The following UNC5D variants were observed in gnomAD, a reference collection of about 807,000 sequenced individuals.
UNC5D encodes the protein unc-5 netrin receptor D, also known as netrin receptor UNC5D.
A neutral mutation model predicts 105.4 loss-of-function variants in UNC5D; 39 were observed. The ratio of observed to expected loss-of-function variants is 0.37; its 90% CI spans 0.29 to 0.48. The LOEUF (loss-of-function observed/expected upper bound fraction) is 0.48, where lower values mean the gene tolerates loss of function less well. UNC5D is among the 20% of genes least tolerant of loss of function. The pLI is 0.98. For missense variants in UNC5D, 991 were observed against 1,202.4 expected, an observed-to-expected ratio of 0.82 and a Z score of 2.60; for synonymous variants, 452 against 450.4, an observed-to-expected ratio of 1.00 and a Z score of -0.04.
At chr8:35,379,086 T>C (rs1453424671) in intron 1 of UNC5D, among the ~76,000 whole-genome samples, 1 of 152,168 alleles carries the variant, frequency 6.6e-6, no homozygotes, top group Admixed American at 6.5e-5. Flanking sequence ...TTCTTTGGAT[T>C]TCCTCCATTG....
chr8:35,750,947 C>G, intron 13 of UNC5D, 138 bp downstream of exon 13: 1 of 962,698 alleles, frequency 1.0e-6, no homozygotes, highest in South Asian at 1.5e-5. Flanking sequence ...GTGGGTTCAC[C>G]TTGCCTGCTG....
chr8:35,725,798 T>G (rs1828826540), intron 9 of UNC5D, among the ~76,000 whole-genome samples: 1 of 152,372 alleles, frequency 6.6e-6, no homozygotes, highest in African/African-American at 2.4e-5. Flanking sequence ...CCTCTTTTTT[T>G]GTTATTTTAG....
At chr8:35,785,500 C>A (rs987273180) in intron 16 of UNC5D, among the ~76,000 whole-genome samples, 1 of 152,098 alleles carries the variant, frequency 6.6e-6, no homozygotes, top group African/African-American at 2.4e-5. Context: ...GCTGGGAGTA[C>A]AGGCACATGC....
chr8:35,490,503 G>A (rs931029574), intron 1 of UNC5D, among the ~76,000 whole-genome samples: 1 of 151,890 alleles, frequency 6.6e-6, no homozygotes, highest in Non-Finnish European at 1.5e-5. Context: ...CAGCCTGGGT[G>A]ACAGAGCAAG....
At chr8:35,590,846 C>T (rs992258482) in intron 3 of UNC5D, among the ~76,000 whole-genome samples, 12 of 152,106 alleles carry the variant, frequency 7.9e-5, no homozygotes, top group African/African-American at 2.2e-4. Flanking sequence ...CCTTCCTCAC[C>T]GGTGACCACT....
chr8:35,600,519 T>C lies in UNC5D; in HGVS notation c.570+4862T>C, dbSNP rs570274228. Among the ~76,000 whole-genome samples the C allele has an allele frequency of 2.6e-5, 4 of 152,292 alleles. No individual in the cohort carries two copies. The East Asian group carries it at 7.7e-4, about 29-fold the overall frequency. On this transcript the variant is annotated intron_variant, in intron 4 of 16. Transcript: ENST00000404895. Reference sequence around the variant, plus strand: ...TCTAACTGGCGTGAGATTCTAATTGTGGTTTTGATTTGCATTTCTCTGATG... The same window carrying C: ...TCTAACTGGCGTGAGATTCTAATTGCGGTTTTGATTTGCATTTCTCTGATG...
At chr8:35,627,986 T>C (rs2978582) in intron 4 of UNC5D, among the ~76,000 whole-genome samples, 47,558 of 152,024 alleles carry the variant, frequency 0.31, 12,643 homozygotes, top group African/African-American at 0.73. Context: ...TTTTTTTGAT[T>C]GGGGGTGTGG....
intron 4 of UNC5D, among the ~76,000 whole-genome samples, chr8:35,675,829 A>C (rs1312369905): frequency 6.6e-6 from 1 of 151,940 alleles, no homozygotes; most frequent in Non-Finnish European, 1.5e-5. Flanking sequence ...TTTATAGAAC[A>C]TTAAGAACAA....
chr8:35,288,537 A>G (rs767839843), intron 1 of UNC5D, among the ~76,000 whole-genome samples: 1 of 152,214 alleles, frequency 6.6e-6, no homozygotes, highest in Non-Finnish European at 1.5e-5. Flanking sequence ...ACTCTTTGGT[A>G]TAAGTAATGC....
At chr8:35,419,869 T>G (rs959130174) in intron 1 of UNC5D, among the ~76,000 whole-genome samples, 3 of 152,054 alleles carry the variant, frequency 2.0e-5, no homozygotes, top group African/African-American at 2.4e-5. Flanking sequence ...AGATAAGGGT[T>G]TATTGAATGA....
chr8:35,237,179 GTTTTTT>G (rs3073013), intron 1 of UNC5D, among the ~76,000 whole-genome samples: 29 of 61,784 alleles, frequency 4.7e-4, no homozygotes, highest in East Asian at 9.2e-4. Context: ...TTCCTGAAAA[GTTTTTT>G]TTTTTTTTTT....
intron 1 of UNC5D, among the ~76,000 whole-genome samples, chr8:35,386,991 A>G (rs190113889): frequency 8.1e-5 from 12 of 147,750 alleles, no homozygotes; most frequent in African/African-American, 3.0e-4. Flanking sequence ...TGCAGTTTGC[A>G]AATGATGGAT....
Position 35,453,400 on chromosome 8 carries a change from C to T in UNC5D, c.104-95892C>T, listed in dbSNP as rs1323405734. On this transcript the variant is annotated intron_variant, in intron 1 of 16. Transcript: ENST00000404895. ...AAAGGAAATCCAAGGACATAGTTAA[C>T]TTGGAAGTCTGTAGCATTGAGTCTG... 2.6e-5 allele frequency among the ~76,000 whole-genome samples: 4 copies of T among 152,110 alleles called. No individual in the cohort carries two copies. The South Asian group carries it at 6.2e-4, about 24-fold the overall frequency.
intron 11 of UNC5D, among the ~76,000 whole-genome samples, chr8:35,738,697 A>G (rs962752735): frequency 2.0e-5 from 3 of 152,224 alleles, no homozygotes; most frequent in Non-Finnish European, 4.4e-5. Context: ...TAGTCTAAAC[A>G]GTAGACTGTA....
At chr8:35,632,810 G>A (rs1387980124) in intron 4 of UNC5D, among the ~76,000 whole-genome samples, 1 of 152,148 alleles carries the variant, frequency 6.6e-6, no homozygotes, top group Non-Finnish European at 1.5e-5. Flanking sequence ...GCTGGCCCAC[G>A]AGGGTGTGTG....
chr8:35,558,665 A>G (rs1205466714), intron 2 of UNC5D, among the ~76,000 whole-genome samples: 1 of 152,154 alleles, frequency 6.6e-6, no homozygotes, highest in Non-Finnish European at 1.5e-5. Context: ...GGTTCTTTCA[A>G]GAAAACTCTT....
chr8:35,640,202 T>TAAATTCCTA (rs1822628876), intron 4 of UNC5D, among the ~76,000 whole-genome samples: 3 of 152,148 alleles, frequency 2.0e-5, no homozygotes, highest in Non-Finnish European at 4.4e-5. Flanking sequence ...TCCTACTTTG[T>TAAATTCCTA]ATGTAACAAC....
In UNC5D at chr8:35,417,083, C is replaced by G. The variant is rs534114761; in HGVS notation, c.104-132209C>G. Among the ~76,000 whole-genome samples, 398 of 152,222 alleles carry G rather than the reference C, an allele frequency of 2.6e-3. 2 individuals are homozygous for G. Among genetic ancestry groups the G allele is most frequent in the African/African-American group, 9.0e-3 (372 of 41,534 alleles). The stretch of plus-strand genomic sequence containing the variant: ...CCTGAAGCATTTATTATTTGTGTTA[C>G]AAACAATCCAACTACAATCTTATTC... On this transcript the variant is annotated intron_variant, in intron 1 of 16. Transcript: ENST00000404895.
At chr8:35,372,252 T>G (rs1049832648) in intron 1 of UNC5D, among the ~76,000 whole-genome samples, 20 of 152,060 alleles carry the variant, frequency 1.3e-4, no homozygotes, top group African/African-American at 4.6e-4. Context: ...GCCTCCCAAG[T>G]AGCTGGGGCC....
Sources: allele counts gnomAD v4.1 joint callset (sites outside exome capture counted in the v4.1 genomes callset), GRCh38; gene constraint gnomAD v4.1.1; transcripts MANE v1.5; gene names NCBI Gene and HGNC (gene_info 2026-07-23, HGNC 2026-07-21).